CALN1: variants seen among roughly 807,000 people sequenced by gnomAD.
CALN1 encodes the protein calcium-binding protein 8.
A neutral mutation model predicts 30.6 loss-of-function variants in CALN1; 17 were observed. The observed-to-expected ratio is 0.56, with a 90% CI of 0.38 to 0.83. The LOEUF (loss-of-function observed/expected upper bound fraction) is 0.83, where lower values mean the gene tolerates loss of function less well. Ranked by LOEUF, CALN1 falls within the 40% of genes least tolerant of loss-of-function variation. The pLI is 0.00. For missense variants in CALN1, 291 were observed against 354.9 expected, an observed-to-expected ratio of 0.82 and a Z score of 1.45; for synonymous variants, 156 against 131.4, an observed-to-expected ratio of 1.19 and a Z score of -1.28.
intron 5 of CALN1, among the ~76,000 whole-genome samples, chr7:71,962,966 A>G (rs1797324010): frequency 1.3e-5 from 2 of 152,164 alleles, no homozygotes; most frequent in South Asian, 4.1e-4. Context: ...ATAAATTCTC[A>G]TATATAAGGA....
At chr7:71,836,375 G>A (rs1284322822) in intron 5 of CALN1, among the ~76,000 whole-genome samples, 1 of 152,206 alleles carries the variant, frequency 6.6e-6, no homozygotes, top group Non-Finnish European at 1.5e-5. Flanking sequence ...TGGATCTGGA[G>A]TGGAGGTCAG....
intron 1 of CALN1, among the ~76,000 whole-genome samples, chr7:72,405,761 G>T (rs1806653561): frequency 6.6e-6 from 1 of 152,084 alleles, no homozygotes; most frequent in African/African-American, 2.4e-5. Context: ...GCTTTTAGTT[G>T]CCATGGCAGT....
chr7:72,345,079 T>C (rs1383110270), intron 2 of CALN1, among the ~76,000 whole-genome samples: 1 of 148,578 alleles, frequency 6.7e-6, no homozygotes, highest in Non-Finnish European at 1.5e-5. Flanking sequence ...GCATGTTATG[T>C]ATAATTATAC....
At chr7:72,203,427 C>A (rs1477575536) in intron 3 of CALN1, among the ~76,000 whole-genome samples, 2 of 152,076 alleles carry the variant, frequency 1.3e-5, no homozygotes, top group African/African-American at 4.8e-5. Context: ...GTGGGTTTTC[C>A]TTGAAAAATT....
At chr7:71,865,031 A>G (rs946598756) in intron 5 of CALN1, among the ~76,000 whole-genome samples, 3 of 152,076 alleles carry the variant, frequency 2.0e-5, no homozygotes, top group Admixed American at 2.0e-4. Flanking sequence ...AGAAAGAAAG[A>G]AAGAAAAGCA....
chr7:72,306,921 T>A (rs111851645), intron 2 of CALN1, among the ~76,000 whole-genome samples: 5 of 152,288 alleles, frequency 3.3e-5, no homozygotes, highest in African/African-American at 9.6e-5. Flanking sequence ...TGACTCTTCG[T>A]TGACACTCCC....
intron 1 of CALN1, among the ~76,000 whole-genome samples, chr7:72,433,766 T>C (rs1808053412): frequency 6.6e-6 from 1 of 152,130 alleles, no homozygotes; most frequent in South Asian, 2.1e-4. Flanking sequence ...GGGCTCTGAT[T>C]CAAAATGTAC....
rs750323680 is a variant in CALN1, at chr7:72,389,811, C to T, written c.119+13440G>A. ...GTGCATGCCTGTAATCCCAGCTACT[C>T]GGGAGGCTGAGGCAGGAGAATCCCT... On this transcript the variant is annotated intron_variant, in intron 2 of 6. Coordinates refer to ENST00000395275, the MANE Select transcript of CALN1 (RefSeq NM_031468.4). 4.0e-5 allele frequency among the ~76,000 whole-genome samples: 6 copies of T among 151,796 alleles called. No individual in the cohort carries two copies. In the East Asian group the frequency reaches 5.8e-4, roughly 15 times the overall value.
At chr7:72,342,533 C>T (rs1802432220) in intron 2 of CALN1, among the ~76,000 whole-genome samples, 1 of 152,168 alleles carries the variant, frequency 6.6e-6, no homozygotes, top group African/African-American at 2.4e-5. Context: ...ACAGGAAGGA[C>T]TTCTCCTTAT....
intron 4 of CALN1, among the ~76,000 whole-genome samples, chr7:72,058,088 A>G (rs1190337317): frequency 6.6e-6 from 1 of 152,162 alleles, no homozygotes; most frequent in Admixed American, 6.5e-5. Context: ...AGAATTGTAT[A>G]GAAAATTGCT....
intron 5 of CALN1, among the ~76,000 whole-genome samples, chr7:71,968,517 G>A (rs1019075378): frequency 5.3e-5 from 8 of 151,896 alleles, no homozygotes; most frequent in African/African-American, 7.2e-5. Flanking sequence ...TGCACCCTCC[G>A]CCTGCCGGGT....
intron 2 of CALN1, among the ~76,000 whole-genome samples, chr7:72,347,219 C>G (rs968229921): frequency 6.6e-6 from 1 of 151,804 alleles, no homozygotes; most frequent in Non-Finnish European, 1.5e-5. Context: ...TTCTAAAACC[C>G]AAAGACAATT....
intron 3 of CALN1, among the ~76,000 whole-genome samples, chr7:72,243,018 C>T (rs1395726532): frequency 1.3e-5 from 2 of 152,192 alleles, no homozygotes; most frequent in Admixed American, 1.3e-4. Flanking sequence ...CCCAATTTCA[C>T]TCAATGATCT....
At chr7:72,006,619 AC>A (rs1389235274) in intron 5 of CALN1, among the ~76,000 whole-genome samples, 1 of 152,172 alleles carries the variant, frequency 6.6e-6, no homozygotes, top group African/African-American at 2.4e-5. Context: ...CCCAGTGAAA[AC>A]AAATAAAGAG....
At chr7:72,441,025 C>A (rs914618091) in intron 1 of CALN1, among the ~76,000 whole-genome samples, 1 of 151,184 alleles carries the variant, frequency 6.6e-6, no homozygotes, top group Non-Finnish European at 1.5e-5. Flanking sequence ...AAAATGCTAT[C>A]CAAAATGCTT....
chr7:72,319,427 A>T (rs1279504293), intron 2 of CALN1, among the ~76,000 whole-genome samples: 2 of 152,190 alleles, frequency 1.3e-5, no homozygotes, highest in African/African-American at 4.8e-5. Context: ...ATTCGCTATC[A>T]CGAGAACAGC....
chr7:72,401,284 C>T (rs994265197), intron 2 of CALN1, among the ~76,000 whole-genome samples: 4 of 151,514 alleles, frequency 2.6e-5, no homozygotes, highest in Non-Finnish European at 5.9e-5. Context: ...GAACACGTTC[C>T]TGATGGGCTG....
At chr7:72,388,270 T>C (rs1447426705) in intron 2 of CALN1, among the ~76,000 whole-genome samples, 2 of 152,114 alleles carry the variant, frequency 1.3e-5, no homozygotes, top group Non-Finnish European at 2.9e-5. Context: ...ATACAATTTT[T>C]TAAAAAGGGG....
chr7:72,387,756 A>G (rs912785521), intron 2 of CALN1, among the ~76,000 whole-genome samples: 1 of 152,198 alleles, frequency 6.6e-6, no homozygotes, highest in Admixed American at 6.5e-5. Flanking sequence ...AACTAAGGAG[A>G]CAGGACAAGT....
Sources: gnomAD v4.1 joint callset for allele counts (sites outside exome capture counted in the v4.1 genomes callset) on GRCh38, gnomAD v4.1.1 for gene constraint, MANE v1.5 for transcripts, NCBI Gene and HGNC (gene_info 2026-07-23, HGNC 2026-07-21) for gene names.